Variants in RB1 observed in about 807,000 individuals in gnomAD.
RB1 encodes retinoblastoma-associated protein.
A neutral mutation model predicts 135.4 loss-of-function variants in RB1; 18 were observed. That is an observed-to-expected ratio of 0.13 (90% CI 0.09 to 0.20). The LOEUF (loss-of-function observed/expected upper bound fraction) is 0.20. RB1 is among the 10% of genes least tolerant of loss of function. The pLI is 1.00. For missense variants in RB1, 868 were observed against 1,110.0 expected, an observed-to-expected ratio of 0.78 and a Z score of 3.10; for synonymous variants, 365 against 373.2, an observed-to-expected ratio of 0.98 and a Z score of 0.25.
intron 2 of RB1, among the ~76,000 whole-genome samples, chr13:48,325,010 A>G (rs574204757): frequency 1.3e-5 from 2 of 151,500 alleles, no homozygotes; most frequent in Admixed American, 6.6e-5. Context: ...TCAGGGGTAC[A>G]TGTGCAGTTT....
rs542686672 is a variant in RB1 at position 48,342,819 on chromosome 13, G to A, written c.380+105G>A. 3 of 794,942 alleles carry A rather than the reference G, an allele frequency of 3.8e-6. No homozygotes were observed. In the South Asian group the frequency reaches 4.7e-5, roughly 12 times the overall value. 49.2% of individuals were successfully genotyped at this position (794,942 alleles called of 1,614,324 possible). A position where few individuals can be genotyped will look rare whatever the true frequency, so the allele number is the denominator to read the frequency against. On this transcript the variant is annotated intron_variant, in intron 3 of 26. Transcript: ENST00000267163. ...AATTAGTGAGAAATGCTAAAATAAA[G>A]TAAAACAAAAAGAACTTGGACCAAA...
intron 11 of RB1, among the ~76,000 whole-genome samples, 163 bp from the exon 12 acceptor site, chr13:48,373,242 A>G (rs578053638): frequency 4.6e-5 from 7 of 152,284 alleles, no homozygotes; most frequent in African/African-American, 1.7e-4. Context: ...TTTAAGTAAA[A>G]TGTAATTTCT....
intron 17 of RB1, among the ~76,000 whole-genome samples, chr13:48,392,819 T>G (rs1202971323): frequency 2.0e-5 from 3 of 152,144 alleles, no homozygotes; most frequent in African/African-American, 7.2e-5. Context: ...GTGATTTTTT[T>G]GTTAGGTGCC....
chr13:48,465,600 T>G (rs2039417428), intron 23 of RB1, among the ~76,000 whole-genome samples: 1 of 151,798 alleles, frequency 6.6e-6, no homozygotes. Flanking sequence ...GCTCCCAGCG[T>G]GAGCGACGCA....
intron 17 of RB1, among the ~76,000 whole-genome samples, chr13:48,430,240 A>G (rs1418305122): frequency 2.0e-5 from 3 of 152,228 alleles, no homozygotes; most frequent in Non-Finnish European, 4.4e-5. Context: ...ATGATAATTT[A>G]TCCACTTCAA....
chr13:48,400,523 TGTGA>T (rs1207632565), intron 17 of RB1, among the ~76,000 whole-genome samples: 1 of 152,146 alleles, frequency 6.6e-6, no homozygotes, highest in African/African-American at 2.4e-5. Flanking sequence ...TTTTTGTGTT[TGTGA>T]GTGTTACTAT....
chr13:48,334,876 T>C (rs571432404), intron 2 of RB1, among the ~76,000 whole-genome samples: 57 of 151,976 alleles, frequency 3.8e-4, no homozygotes, highest in African/African-American at 1.3e-3. Flanking sequence ...GATTTTGTTT[T>C]AAACTGTAAT....
intron 2 of RB1, among the ~76,000 whole-genome samples, chr13:48,309,599 C>T (rs933585498): frequency 6.6e-6 from 1 of 152,278 alleles, no homozygotes; most frequent in East Asian, 1.9e-4. Context: ...GGGATCAGAG[C>T]TCCTTCACTT....
intron 6 of RB1, among the ~76,000 whole-genome samples, chr13:48,358,996 T>C (rs1464982124): frequency 6.6e-6 from 1 of 152,142 alleles, no homozygotes; most frequent in Admixed American, 6.6e-5. Flanking sequence ...CCTATAAAGA[T>C]GCAACGTTAT....
At chr13:48,456,092 T>C in intron 18 of RB1, 112 bp from the exon 19 acceptor site, 2 of 1,533,476 alleles carry the variant, frequency 1.3e-6, no homozygotes, top group Non-Finnish European at 1.8e-6. Flanking sequence ...TAGTCTGCTA[T>C]AATACCAATT....
intron 6 of RB1, among the ~76,000 whole-genome samples, chr13:48,358,434 G>A (rs1261138321): frequency 3.9e-5 from 6 of 152,076 alleles, no homozygotes; most frequent in Non-Finnish European, 8.8e-5. Flanking sequence ...AAGAGCTATG[G>A]TATGGGAGCA....
intron 17 of RB1, among the ~76,000 whole-genome samples, chr13:48,397,505 C>G (rs892699477): frequency 6.6e-5 from 10 of 151,886 alleles, no homozygotes; most frequent in African/African-American, 2.4e-4. Context: ...GGGTGCGGGT[C>G]TAAGGGAGGG....
intron 17 of RB1, among the ~76,000 whole-genome samples, chr13:48,437,862 C>A (rs148588806): frequency 6.6e-6 from 1 of 152,288 alleles, no homozygotes; most frequent in Non-Finnish European, 1.5e-5. Context: ...GATATAAATA[C>A]CCAGTGTCAG....
intron 20 of RB1, among the ~76,000 whole-genome samples, chr13:48,462,555 A>G (rs1949413056): frequency 6.6e-6 from 1 of 152,036 alleles, no homozygotes; most frequent in South Asian, 2.1e-4. Flanking sequence ...GAGTTGTTTC[A>G]CTTTCTTGTT....
At chr13:48,399,853 C>T (rs1425529593) in intron 17 of RB1, among the ~76,000 whole-genome samples, 1 of 151,898 alleles carries the variant, frequency 6.6e-6, no homozygotes, top group Non-Finnish European at 1.5e-5. Flanking sequence ...TATCTATACC[C>T]TTCTTTAATT....
At chr13:48,441,038 T>C (rs1949231823) in intron 17 of RB1, among the ~76,000 whole-genome samples, 1 of 152,206 alleles carries the variant, frequency 6.6e-6, no homozygotes, top group Non-Finnish European at 1.5e-5. Context: ...TGAACTCTTA[T>C]TACACTGGAT....
intron 26 of RB1, among the ~76,000 whole-genome samples, chr13:48,479,397 T>G (rs889066833): frequency 6.6e-6 from 1 of 152,224 alleles, no homozygotes; most frequent in African/African-American, 2.4e-5. Context: ...CTGAAGTATA[T>G]GCCAAGCATC....
chr13:48,305,062 A>G (rs957650693), intron 1 of RB1, among the ~76,000 whole-genome samples: 11 of 152,226 alleles, frequency 7.2e-5, no homozygotes, highest in African/African-American at 2.2e-4. Context: ...ATGGTTAAAT[A>G]GCTATGATTG....
Position 48,372,857 on chromosome 13 carries a change from C to G in RB1, c.1128-548C>G, listed in dbSNP as rs79949190. Among the ~76,000 whole-genome samples, 1,262 of 152,108 alleles carry G rather than the reference C, an allele frequency of 8.3e-3. 15 individuals carry two copies. The highest frequency in any genetic ancestry group is 0.029 in the African/African-American group (1,205 of 41,488). Reference sequence around the variant, plus strand: ...ACATTGATATTTACCATATACTGCCCCCTTCATAATACACACACATAAAAT... The same window carrying G: ...ACATTGATATTTACCATATACTGCCGCCTTCATAATACACACACATAAAAT... On this transcript the variant is annotated intron_variant, in intron 11 of 26. Transcript: ENST00000267163.
Sources: gnomAD v4.1 joint callset for allele counts (sites outside exome capture counted in the v4.1 genomes callset) on GRCh38, gnomAD v4.1.1 for gene constraint, MANE v1.5 for transcripts, NCBI Gene and HGNC (gene_info 2026-07-23, HGNC 2026-07-21) for gene names.